SHROOM4: variants seen among roughly 807,000 people sequenced by gnomAD.
SHROOM4 encodes the protein shroom family member 4, also known as protein Shroom4.
Under a neutral mutation model 80.3 loss-of-function variants are expected in SHROOM4, and 17 were observed. That is an observed-to-expected ratio of 0.21 (90% CI 0.14 to 0.32). The LOEUF (loss-of-function observed/expected upper bound fraction) is 0.32, where lower values mean the gene tolerates loss of function less well. Ranked by LOEUF, SHROOM4 falls within the 10% of genes least tolerant of loss-of-function variation. The pLI is 1.00. For missense variants in SHROOM4, 993 were observed against 1,140.3 expected (o/e 0.87, Z 1.86); for synonymous variants, 400 against 437.5 (o/e 0.91, Z 1.07).
chrX:50,681,061 A>G (rs982712204), intron 2 of SHROOM4, among the ~76,000 whole-genome samples: 1 of 110,553 alleles, frequency 9.0e-6, no homozygotes, highest in African/African-American at 3.3e-5. Context: ...AGTCCTCCAA[A>G]ACAAATCCTA....
intron 2 of SHROOM4, among the ~76,000 whole-genome samples, chrX:50,639,032 T>C (rs782325236): frequency 1.8e-5 from 2 of 112,828 alleles, no homozygotes; most frequent in East Asian, 5.6e-4. Context: ...TGCACCATGT[T>C]AGGCTGACAG....
chrX:50,661,754 C>T (rs1327536715), intron 2 of SHROOM4, among the ~76,000 whole-genome samples: 1 of 111,734 alleles, frequency 8.9e-6, no homozygotes, highest in African/African-American at 3.3e-5. Context: ...TACATATGTA[C>T]TTCAGAATCA....
intron 2 of SHROOM4, among the ~76,000 whole-genome samples, chrX:50,650,548 T>C (rs1342702466): frequency 9.2e-6 from 1 of 108,490 alleles, no homozygotes; most frequent in Non-Finnish European, 1.9e-5. Context: ...TTAGTAGAGA[T>C]GGGGTTTCAC....
At position 50,688,508 on chromosome X, in the gene SHROOM4, G is replaced by T. The variant is rs781849617; in HGVS notation, c.269+7278C>A. Among the ~76,000 whole-genome samples, 74 of 111,671 alleles carry T rather than the reference G, an allele frequency of 6.6e-4. No individual in the cohort carries two copies. The South Asian group carries it at 0.027, about 41-fold the overall frequency. ...GAACACCACATGTTCTCACTCATAT[G>T]TGGAAGCTAAAAATATTGATCTCAT... On this transcript the variant is annotated intron_variant, in intron 2 of 8. Coordinates refer to ENST00000376020, the MANE Select transcript of SHROOM4 (RefSeq NM_020717.5).
chrX:50,671,397 C>T (rs1333100215), intron 2 of SHROOM4, among the ~76,000 whole-genome samples: 2 of 112,234 alleles, frequency 1.8e-5, no homozygotes, highest in Non-Finnish European at 3.8e-5. Context: ...ATGGCATCTT[C>T]TTCCAATATA....
chrX:50,610,352 T>TCTCTCTCTCTCACACACACACACA (rs782591424), intron 5 of SHROOM4, among the ~76,000 whole-genome samples: 31 of 91,703 alleles, frequency 3.4e-4, no homozygotes, highest in African/African-American at 1.4e-3. Flanking sequence ...TCTCTCTCTC[T>TCTCTCTCTCTCACACACACACACA]CACACACACA....
At chrX:50,689,537 C>A (rs929002571) in intron 2 of SHROOM4, among the ~76,000 whole-genome samples, 2 of 111,844 alleles carry the variant, frequency 1.8e-5, no homozygotes, top group Non-Finnish European at 3.8e-5. Flanking sequence ...CATACACAAC[C>A]TCTTTCTTTC....
chrX:50,614,763 C>T (rs1273277247), intron 5 of SHROOM4, among the ~76,000 whole-genome samples: 1 of 111,925 alleles, frequency 8.9e-6, no homozygotes, highest in Non-Finnish European at 1.9e-5. Context: ...AAGAGATATC[C>T]ATAAGGATAT....
chrX:50,717,985 G>T (rs1254400644), intron 1 of SHROOM4, among the ~76,000 whole-genome samples: 1 of 111,528 alleles, frequency 9.0e-6, no homozygotes, highest in Non-Finnish European at 1.9e-5. Flanking sequence ...GACCAAGAAA[G>T]TGCCCTGCAC....
At chrX:50,704,415 A>T (rs150312690) in intron 1 of SHROOM4, among the ~76,000 whole-genome samples, 62 of 111,799 alleles carry the variant, frequency 5.5e-4, no homozygotes, top group African/African-American at 1.9e-3. Context: ...GTTGATCAAA[A>T]ATGCCTTTTT....
chrX:50,813,872 G>A (rs782527377), intron 1 of SHROOM4, 30 bp downstream of exon 1: 2 of 1,080,569 alleles, frequency 1.9e-6, no homozygotes, highest in South Asian at 1.9e-5. Flanking sequence ...AAAGTTAGGC[G>A]CCGTTAGGAC....
rs1210658888 is a variant in SHROOM4 at position 50,587,837 on chromosome X, A to G, written c.*8858T>C. Among the ~76,000 whole-genome samples the G allele has an allele frequency of 8.9e-6, 1 of 112,504 alleles. No individual in the cohort carries two copies. The highest frequency in any genetic ancestry group is 1.9e-5 in the Non-Finnish European group (1 of 53,314). ...TACCACAATTCTGAATTTTGATTAA[A>G]TAGTGTTTCAAAATCACAGATCTGT... On this transcript the variant is annotated 3_prime_UTR_variant, in exon 9 of 9. Coordinates refer to ENST00000376020, the MANE Select transcript of SHROOM4 (RefSeq NM_020717.5).
At position 50,740,411 on chromosome X, in the gene SHROOM4, C is replaced by T. The variant is rs367554273; in HGVS notation, c.118-44474G>A. Among the ~76,000 whole-genome samples the T allele has an allele frequency of 1.2e-4, 13 of 111,792 alleles. No individual in the cohort carries two copies. The East Asian group carries it at 2.8e-3, about 24-fold the overall frequency. On this transcript the variant is annotated intron_variant, in intron 1 of 8. Transcript: ENST00000376020. ...ATCAATTGGGAAGATAAAACAATTA[C>T]ATGAACATCCAAACAAAAAGCCACA...
At chrX:50,726,577 C>T in intron 1 of SHROOM4, among the ~76,000 whole-genome samples, 1 of 112,709 alleles carries the variant, frequency 8.9e-6, no homozygotes, top group Non-Finnish European at 1.9e-5. Flanking sequence ...CCCAGCCACT[C>T]CAGCTCCAGC....
intron 1 of SHROOM4, among the ~76,000 whole-genome samples, chrX:50,762,258 G>A (rs2147629692): frequency 8.9e-6 from 1 of 111,903 alleles, no homozygotes; most frequent in East Asian, 2.8e-4. Context: ...ATTTCTTCCT[G>A]TGCATTTGAG....
intron 5 of SHROOM4, 120 bp downstream of exon 5, chrX:50,627,494 C>T (rs372371748): frequency 1.6e-6 from 1 of 631,377 alleles, no homozygotes; most frequent in African/African-American, 2.2e-5. Context: ...GGTATCAAGC[C>T]CTTAGTCTAG....
intron 1 of SHROOM4, among the ~76,000 whole-genome samples, chrX:50,698,863 G>C (rs1557263306): frequency 8.9e-6 from 1 of 111,945 alleles, no homozygotes; most frequent in Admixed American, 9.5e-5. Flanking sequence ...AGGGGCGAAA[G>C]ATGATATGCA....
rs1396343906 is a variant in SHROOM4, at chrX:50,596,351, G to C, written c.*344C>G. On this transcript the variant is annotated 3_prime_UTR_variant, in exon 9 of 9. Coordinates refer to ENST00000376020, the MANE Select transcript of SHROOM4 (RefSeq NM_020717.5). ...TAGAGGCTGTTGATGATATGGGTGG[G>C]TGATGAGTACTTGATGTCTTTGGTG... The C allele has an allele frequency of 1.0e-5, 4 of 389,044 alleles. No homozygotes were observed. The highest frequency in any genetic ancestry group is 1.9e-5 in the Non-Finnish European group (4 of 208,854). 32.1% of individuals were successfully genotyped at this position (389,044 alleles called of 1,213,427 possible). A position where few individuals can be genotyped will look rare whatever the true frequency, so the allele number is the denominator to read the frequency against.
chrX:50,654,619 C>G (rs1932236540), intron 2 of SHROOM4, among the ~76,000 whole-genome samples: 1 of 110,180 alleles, frequency 9.1e-6, no homozygotes, highest in South Asian at 3.9e-4. Context: ...AGTTACTATT[C>G]TGTATATTAG....
Sources: allele counts gnomAD v4.1 joint callset (sites outside exome capture counted in the v4.1 genomes callset), GRCh38; gene constraint gnomAD v4.1.1; transcripts MANE v1.5; gene names NCBI Gene and HGNC (gene_info 2026-07-23, HGNC 2026-07-21).